The following HPS3 variants were observed in gnomAD, a reference collection of about 807,000 sequenced individuals.
The protein encoded by HPS3 is HPS3 biogenesis of lysosomal organelles complex 2 subunit 1.
HPS3 carries 79 observed loss-of-function variants against 110.9 expected under a neutral mutation model. That is an observed-to-expected ratio of 0.71 (90% CI 0.59 to 0.86). The LOEUF (loss-of-function observed/expected upper bound fraction) is 0.86, where lower values mean the gene tolerates loss of function less well. Ranked by LOEUF, HPS3 falls within the 40% of genes least tolerant of loss-of-function variation. HPS3 has a pLI of 0.00. For synonymous variants in HPS3, 428 were observed against 451.0 expected (o/e 0.95, Z 0.65); for missense variants, 1,197 against 1,206.2 (o/e 0.99, Z 0.11).
rs1043628216 is a variant in HPS3, at chr3:149,157,529, C to A, written c.1689C>A (p.Ser563Arg). ...ESCGHLGDCY[S>R]RLDSQHSHLT... ...GTGGGCACCTTGGGGACTGTTACAG[C>A]AGGTGGGTGACACCTCTTGGAACCT... is the stretch of plus-strand genomic sequence containing the variant. The change falls in exon 9 of 17, where the codon AGC becomes AGA. Residue 563 changes from serine (S) to arginine (R), a missense_variant and splice_region_variant. Transcript: ENST00000296051. 1 of 1,613,366 alleles carries A rather than the reference C, an allele frequency of 6.2e-7. No individual in the cohort carries two copies. Among genetic ancestry groups the A allele is most frequent in the East Asian group, 2.2e-5 (1 of 44,888 alleles).
intron 14 of HPS3, among the ~76,000 whole-genome samples, chr3:149,165,373 T>G (rs1038991522): frequency 6.6e-6 from 1 of 152,210 alleles, no homozygotes; most frequent in Non-Finnish European, 1.5e-5. Flanking sequence ...AAATTTGTTT[T>G]AAAATATTTT....
Position 149,151,587 on chromosome 3 carries a change from T to TTAAA in HPS3, c.1245+907_1245+908insTAAA, listed in dbSNP as rs1723115835. Among the ~76,000 whole-genome samples, 2 of 40,300 alleles carry TTAAA rather than the reference T, an allele frequency of 5.0e-5. 1 individual carries two copies. The highest frequency in any genetic ancestry group is 1.6e-4 in the African/African-American group (2 of 12,566). The allele number at this position is 40,300 out of a possible 152,430, so 26.4% of individuals were successfully genotyped here. ...AGTGAGAAGTAAAGTGCTTGGTTTC[T>TTAAA]AAAAAAAAAAAAAAAAAAAAAAAAA... is the stretch of plus-strand genomic sequence containing the variant. On this transcript the variant is annotated intron_variant, in intron 6 of 16. Transcript: ENST00000296051.
At chr3:149,143,059 G>A (rs1722578547) in intron 4 of HPS3, among the ~76,000 whole-genome samples, 1 of 152,112 alleles carries the variant, frequency 6.6e-6, no homozygotes, top group African/African-American at 2.4e-5. Context: ...AAACTAAGGG[G>A]GCTGCAGTGA....
rs547750272 is a variant in HPS3 at position 149,159,243 on chromosome 3, G to A, written c.1872+397G>A. The stretch of plus-strand genomic sequence containing the variant: ...TTCACTTATAAAACTCTGACCTTAG[G>A]CCAGTGACCTAAAGACATTATTAAG... On this transcript the variant is annotated intron_variant, in intron 10 of 16. Coordinates refer to ENST00000296051, the MANE Select transcript of HPS3 (RefSeq NM_032383.5). Among the ~76,000 whole-genome samples the A allele has an allele frequency of 8.5e-5, 13 of 152,200 alleles. No individual in the cohort carries two copies. In the South Asian group the frequency reaches 2.5e-3, roughly 29 times the overall value.
In HPS3 at chr3:149,172,351, CACACAT is replaced by C. The variant is rs1725089121; in HGVS notation, c.*131_*136del. 2.8e-6 allele frequency: 2 copies of C among 702,216 alleles called. No individual in the cohort carries two copies. The highest frequency in any genetic ancestry group is 2.1e-5 in the Admixed American group (1 of 46,736). 43.5% of individuals were successfully genotyped at this position (702,216 alleles called of 1,614,324 possible). The stretch of plus-strand genomic sequence containing the variant: ...ACACACACACACACACACACACACA[CACACAT>C]ATATGATACAAATGCTTTCAGGCTG... On this transcript the variant is annotated 3_prime_UTR_variant, in exon 17 of 17. Transcript: ENST00000296051.
intron 4 of HPS3, among the ~76,000 whole-genome samples, chr3:149,143,597 T>C (rs1297681397): frequency 6.6e-6 from 1 of 152,166 alleles, no homozygotes; most frequent in Non-Finnish European, 1.5e-5. Context: ...AATAGACGAA[T>C]GGATGGGTCA....
chr3:149,161,517 T>C (rs1403758201), intron 11 of HPS3, among the ~76,000 whole-genome samples: 1 of 147,196 alleles, frequency 6.8e-6, no homozygotes, highest in East Asian at 2.0e-4. Flanking sequence ...CCTTTTTTTT[T>C]TTTTTTTTTT....
chr3:149,166,947 G>A, intron 14 of HPS3, 87 bp from the exon 15 acceptor site: 1 of 1,034,748 alleles, frequency 9.7e-7, no homozygotes, highest in Non-Finnish European at 1.5e-6. Context: ...GGCAAGTGAG[G>A]TTTAGTCTTA....
intron 1 of HPS3, among the ~76,000 whole-genome samples, chr3:149,133,478 A>G (rs1236187580): frequency 6.6e-6 from 1 of 151,932 alleles, no homozygotes; most frequent in Non-Finnish European, 1.5e-5. Context: ...TTGTATTTTT[A>G]GTAGAGATGG....
chr3:149,140,560 AGTCTGAAG>A (rs1722380805), intron 2 of HPS3, 62 bp downstream of exon 2: 2 of 1,559,306 alleles, frequency 1.3e-6, no homozygotes, highest in Non-Finnish European at 1.8e-6. Flanking sequence ...CACCTTTGGC[AGTCTGAAG>A]GTCTGTGGTA....
At chr3:149,161,471 CTG>C (rs1236104597) in intron 11 of HPS3, among the ~76,000 whole-genome samples, 1 of 123,464 alleles carries the variant, frequency 8.1e-6, no homozygotes, top group Non-Finnish European at 1.7e-5. Context: ...ATAATAAAAT[CTG>C]TACATGTTCA....
intron 4 of HPS3, among the ~76,000 whole-genome samples, chr3:149,145,010 T>C (rs1722702597): frequency 6.6e-6 from 1 of 152,194 alleles, no homozygotes; most frequent in Admixed American, 6.5e-5. Flanking sequence ...CTATCAACAT[T>C]GCTGGTCTAT....
At chr3:149,133,990 A>T (rs1169134905) in intron 1 of HPS3, among the ~76,000 whole-genome samples, 2 of 151,960 alleles carry the variant, frequency 1.3e-5, no homozygotes, top group African/African-American at 4.8e-5. Context: ...TTTTTTTTTA[A>T]AAAAAATGAA....
Position 149,160,158 on chromosome 3 carries a change from A to G in HPS3, c.1985A>G (p.Tyr662Cys), listed in dbSNP as rs1723699242. The G allele has an allele frequency of 1.9e-6, 3 of 1,613,804 alleles. No homozygotes were observed. The highest frequency in any genetic ancestry group is 2.2e-5 in the East Asian group (1 of 44,884). The change falls in exon 11 of 17, where the codon TAT becomes TGT. Residue 662 changes from tyrosine to cysteine, a missense_variant. Coordinates refer to ENST00000296051, the MANE Select transcript of HPS3 (RefSeq NM_032383.5). Reference sequence around the variant, plus strand: ...ATTAATCCTTTAACTGCCATGAGCTATCTAAGGAAGCTGGATACTTCTGGG... The same window carrying G: ...ATTAATCCTTTAACTGCCATGAGCTGTCTAAGGAAGCTGGATACTTCTGGG... The part of the protein sequence containing the change: ...KNINPLTAMS[Y>C]LRKLDTSGFS...
intron 6 of HPS3, among the ~76,000 whole-genome samples, chr3:149,153,167 G>T (rs1723239388): frequency 6.6e-6 from 1 of 152,192 alleles, no homozygotes; most frequent in Non-Finnish European, 1.5e-5. Flanking sequence ...TCTCCTGGAG[G>T]TATCTGTGGA....
chr3:149,136,064 A>T (rs780192164), intron 1 of HPS3, among the ~76,000 whole-genome samples: 1 of 152,112 alleles, frequency 6.6e-6, no homozygotes, highest in African/African-American at 2.4e-5. Context: ...AGTAACTCTA[A>T]GCTCAAGAGT....
At position 149,147,764 on chromosome 3, in the gene HPS3, A is replaced by T. The variant is rs1459855083; in HGVS notation, c.1163+2218A>T. ...GACAGGACATTTTTGAGCTTTTCTT[A>T]TTATCAGCACTAAAGGAGACTGACA... On this transcript the variant is annotated intron_variant, in intron 5 of 16. Transcript: ENST00000296051. Among the ~76,000 whole-genome samples, 4 of 152,180 alleles carry T rather than the reference A, an allele frequency of 2.6e-5. No homozygotes were observed. The East Asian group carries it at 7.7e-4, about 29-fold the overall frequency.
chr3:149,141,876 G>A (rs775747097), intron 4 of HPS3, among the ~76,000 whole-genome samples: 1 of 149,874 alleles, frequency 6.7e-6, no homozygotes, highest in Non-Finnish European at 1.5e-5. Flanking sequence ...TTGAGACAGA[G>A]TTTTGCTCTT....
At chr3:149,165,600 C>T (rs978859715) in intron 14 of HPS3, among the ~76,000 whole-genome samples, 1 of 152,038 alleles carries the variant, frequency 6.6e-6, no homozygotes, top group Non-Finnish European at 1.5e-5. Flanking sequence ...CCTCGGGTTC[C>T]CAAAGTTCTG....
Sources: gnomAD v4.1 joint callset for allele counts (sites outside exome capture counted in the v4.1 genomes callset) on GRCh38, gnomAD v4.1.1 for gene constraint, MANE v1.5 for transcripts, NCBI Gene and HGNC (gene_info 2026-07-23, HGNC 2026-07-21) for gene names.